ALK: variants seen among roughly 807,000 people sequenced by gnomAD.
ALK encodes the protein ALK tyrosine kinase receptor.
In ALK, 74 loss-of-function variants were observed where a neutral mutation model predicts 163.1. The observed-to-expected ratio is 0.45, with a 90% CI of 0.38 to 0.55. The LOEUF (loss-of-function observed/expected upper bound fraction) is 0.55. ALK is among the 20% of genes least tolerant of loss of function. The pLI is 0.00. For synonymous variants in ALK, 960 were observed against 843.2 expected (o/e 1.14, Z -2.40); for missense variants, 2,063 against 2,105.3 (o/e 0.98, Z 0.39).
chr2:29,393,963 A>G (rs1210766800), intron 4 of ALK, among the ~76,000 whole-genome samples: 1 of 152,252 alleles, frequency 6.6e-6, no homozygotes, highest in Non-Finnish European at 1.5e-5. Context: ...GAGCCTTCAG[A>G]TTACTTCACA....
intron 3 of ALK, among the ~76,000 whole-genome samples, chr2:29,622,922 T>C (rs1218639148): frequency 2.0e-5 from 3 of 152,132 alleles, no homozygotes; most frequent in African/African-American, 7.2e-5. Context: ...GTTCATTTGG[T>C]TTCCAGTTTC....
At chr2:29,373,931 A>T (rs1193164861) in intron 5 of ALK, among the ~76,000 whole-genome samples, 1 of 152,386 alleles carries the variant, frequency 6.6e-6, no homozygotes, top group African/African-American at 2.4e-5. Flanking sequence ...TTTATCAGGC[A>T]TAAGAGCATA....
chr2:29,261,211 C>G (rs1665080367), intron 11 of ALK, among the ~76,000 whole-genome samples: 1 of 152,212 alleles, frequency 6.6e-6, no homozygotes, highest in African/African-American at 2.4e-5. Context: ...TGTCTTATAT[C>G]TTGTACAGAT....
intron 1 of ALK, among the ~76,000 whole-genome samples, chr2:29,861,466 A>G (rs1469306505): frequency 6.6e-6 from 1 of 152,222 alleles, no homozygotes; most frequent in African/African-American, 2.4e-5. Flanking sequence ...TTAATACCAC[A>G]GAAATACAAA....
chr2:29,597,362 T>C (rs1392650309), intron 3 of ALK, among the ~76,000 whole-genome samples: 5 of 152,182 alleles, frequency 3.3e-5, no homozygotes, highest in Non-Finnish European at 5.9e-5. Flanking sequence ...ATCATATCTG[T>C]TGTGCTTCAA....
chr2:29,754,779 T>A (rs916720066), intron 1 of ALK, among the ~76,000 whole-genome samples: 1 of 152,158 alleles, frequency 6.6e-6, no homozygotes, highest in South Asian at 2.1e-4. Context: ...TGCCAATCCA[T>A]ACATGTTGGT....
At chr2:29,825,662 T>C (rs188507754) in intron 1 of ALK, among the ~76,000 whole-genome samples, 2 of 152,216 alleles carry the variant, frequency 1.3e-5, no homozygotes, top group Admixed American at 6.5e-5. Flanking sequence ...AGTGATTTTA[T>C]GCATGATTGT....
At chr2:29,219,402 G>C (rs1024620232) in intron 23 of ALK, among the ~76,000 whole-genome samples, 27 of 152,314 alleles carry the variant, frequency 1.8e-4, no homozygotes, top group African/African-American at 6.5e-4. Context: ...TGACCTTGCA[G>C]GGCTTCCATC....
chr2:29,630,391 A>T (rs1431004724), intron 3 of ALK, among the ~76,000 whole-genome samples: 1 of 152,132 alleles, frequency 6.6e-6, no homozygotes, highest in Non-Finnish European at 1.5e-5. Flanking sequence ...TTTTTCTTAC[A>T]GGTGATATTA....
At chr2:29,379,363 A>G (rs189494167) in intron 5 of ALK, among the ~76,000 whole-genome samples, 57 of 152,356 alleles carry the variant, frequency 3.7e-4, no homozygotes, top group South Asian at 1.0e-3. Flanking sequence ...TGCAGCATTT[A>G]TCAATTGATT....
chr2:29,888,246 G>GT (rs371816657), intron 1 of ALK, among the ~76,000 whole-genome samples: 51 of 31,572 alleles, frequency 1.6e-3, no homozygotes, highest in Admixed American at 2.3e-3. Flanking sequence ...CCAATAAATT[G>GT]TTTTTTTTTT....
intron 3 of ALK, among the ~76,000 whole-genome samples, chr2:29,602,123 T>C (rs750965661): frequency 1.3e-5 from 2 of 152,144 alleles, no homozygotes; most frequent in Admixed American, 6.5e-5. Flanking sequence ...ATATGAATCA[T>C]ATATTTTTGT....
intron 1 of ALK, among the ~76,000 whole-genome samples, chr2:29,883,177 A>G (rs560665536): frequency 6.6e-6 from 1 of 152,246 alleles, no homozygotes; most frequent in East Asian, 1.9e-4. Context: ...AAAGGAAAAG[A>G]AAAGAAAAGA....
chr2:29,410,429 A>G (rs1333113777), intron 4 of ALK, among the ~76,000 whole-genome samples: 1 of 152,174 alleles, frequency 6.6e-6, no homozygotes, highest in African/African-American at 2.4e-5. Flanking sequence ...TTTTACGTAT[A>G]TTGATTGATG....
At chr2:29,660,380 G>C (rs1164036845) in intron 3 of ALK, among the ~76,000 whole-genome samples, 1 of 152,178 alleles carries the variant, frequency 6.6e-6, no homozygotes, top group African/African-American at 2.4e-5. Flanking sequence ...GAGTTGCCAA[G>C]ACAGGTGGGC....
chr2:29,614,392 C>A (rs141398231), intron 3 of ALK, among the ~76,000 whole-genome samples: 449 of 152,330 alleles, frequency 2.9e-3, no homozygotes, highest in Non-Finnish European at 4.9e-3. Context: ...CCATGGTAGG[C>A]CCTGTGAAAG....
intron 4 of ALK, among the ~76,000 whole-genome samples, chr2:29,520,586 G>A (rs1216491959): frequency 6.6e-6 from 1 of 152,184 alleles, no homozygotes; most frequent in East Asian, 1.9e-4. Flanking sequence ...CTCACAGAAG[G>A]TCTGGGGTCT....
chr2:29,774,122 T>A (rs992802979), intron 1 of ALK, among the ~76,000 whole-genome samples: 1 of 152,240 alleles, frequency 6.6e-6, no homozygotes, highest in Non-Finnish European at 1.5e-5. Context: ...ATTTATATAA[T>A]GCTATCTTTG....
chr2:29,498,471 A>C (rs1672087515), intron 4 of ALK, among the ~76,000 whole-genome samples: 1 of 152,114 alleles, frequency 6.6e-6, no homozygotes, highest in Admixed American at 6.5e-5. Flanking sequence ...TGTCGACCTC[A>C]TCCGTAAAAT....
Sources: allele counts gnomAD v4.1 joint callset (sites outside exome capture counted in the v4.1 genomes callset), GRCh38; gene constraint gnomAD v4.1.1; transcripts MANE v1.5; gene names NCBI Gene and HGNC (gene_info 2026-07-23, HGNC 2026-07-21).